NHSL1: variants seen among roughly 807,000 people sequenced by gnomAD.
NHSL1 encodes NHS like 1, also known as NHS-like protein 1.
Under a neutral mutation model 95.0 loss-of-function variants are expected in NHSL1, and 48 were observed. The observed-to-expected ratio is 0.51, with a 90% CI of 0.40 to 0.64. NHSL1 has a LOEUF of 0.64. Ranked by LOEUF, NHSL1 falls within the 30% of genes least tolerant of loss-of-function variation. The pLI is 0.00. For synonymous variants in NHSL1, 783 were observed against 833.9 expected, an observed-to-expected ratio of 0.94 and a Z score of 1.05; for missense variants, 1,971 against 2,077.7, an observed-to-expected ratio of 0.95 and a Z score of 1.00.
chr6:138,488,226 C>T (rs185548835), intron 2 of NHSL1, among the ~76,000 whole-genome samples: 99 of 151,456 alleles, frequency 6.5e-4, no homozygotes, highest in Non-Finnish European at 1.1e-3. Context: ...TGCAGTGAGC[C>T]GAGATCACAC....
intron 1 of NHSL1, among the ~76,000 whole-genome samples, chr6:138,525,121 T>A (rs762586620): frequency 1.4e-4 from 22 of 152,100 alleles, no homozygotes; most frequent in Non-Finnish European, 2.9e-4. Context: ...TCTCTGGGCG[T>A]TGGATTTTTT....
chr6:138,670,137 A>G (rs1488795762), intron 1 of NHSL1, among the ~76,000 whole-genome samples: 1 of 151,722 alleles, frequency 6.6e-6, no homozygotes, highest in Non-Finnish European at 1.5e-5. Context: ...TAAAATAAAA[A>G]TAAAATCAAT....
chr6:138,609,357 G>A (rs1784477049), intron 1 of NHSL1, among the ~76,000 whole-genome samples: 1 of 152,116 alleles, frequency 6.6e-6, no homozygotes. Context: ...TGCACCGCTG[G>A]GGCTCACGCA....
At position 138,431,550 on chromosome 6, in the gene NHSL1, G is replaced by A. The variant is rs753946250; in HGVS notation, c.2795C>T (p.Pro932Leu). 5.2e-6 allele frequency: 8 copies of A among 1,551,068 alleles called. No homozygotes were observed. The highest frequency in any genetic ancestry group is 6.1e-6 in the Non-Finnish European group (7 of 1,146,690). ...PAVGSPPAPP[P>L]PPVPSPPFPC... Reference sequence around the variant, plus strand: ...GAATGGAGGAGAGGGAACAGGAGGAGGAGGAGGAGCCGGGGGAGAGCCCAC... The same window carrying A: ...GAATGGAGGAGAGGGAACAGGAGGAAGAGGAGGAGCCGGGGGAGAGCCCAC... Residue 932 changes from proline (P) to leucine (L), a missense_variant, in exon 6 of 8, where the codon CCT becomes CTT. Transcript: ENST00000343505. This position sits in a 1 kb window ranked among gnomAD's most constrained non-coding sequence, Gnocchi z 4.0.
chr6:138,543,677 G>GC (rs1782671674), intron 1 of NHSL1, among the ~76,000 whole-genome samples: 2 of 152,164 alleles, frequency 1.3e-5, no homozygotes, highest in Non-Finnish European at 2.9e-5. Context: ...CTTTTCCAAA[G>GC]TAAGAACACA....
intron 1 of NHSL1, among the ~76,000 whole-genome samples, chr6:138,507,365 C>A (rs1356091592): frequency 1.3e-5 from 2 of 152,144 alleles, no homozygotes; most frequent in Non-Finnish European, 2.9e-5. Flanking sequence ...CTGATCTGGC[C>A]TCTCCAATAA....
intron 3 of NHSL1, among the ~76,000 whole-genome samples, chr6:138,458,740 C>T (rs1470999483): frequency 6.6e-6 from 1 of 150,874 alleles, no homozygotes; most frequent in Non-Finnish European, 1.5e-5. Context: ...CCAGGAGAAT[C>T]GCTTGAACCT....
chr6:138,490,914 G>A (rs762964347), intron 2 of NHSL1, among the ~76,000 whole-genome samples: 5 of 152,226 alleles, frequency 3.3e-5, no homozygotes, highest in Non-Finnish European at 7.3e-5. Context: ...TTATAGGCGT[G>A]AGCCACCGCG....
At position 138,486,459 on chromosome 6, in the gene NHSL1, C is replaced by A. The variant is rs554846301; in HGVS notation, c.211+9760G>T. On this transcript the variant is annotated intron_variant, in intron 2 of 7. Transcript: ENST00000343505. ...ATTCAATAGCCTTTTCTTACAATGA[C>A]TCTCTCCCCACCTGTGAGCGCCATG... is the stretch of plus-strand genomic sequence containing the variant. 3.0e-4 allele frequency among the ~76,000 whole-genome samples: 45 copies of A among 152,234 alleles called. No homozygotes were observed. The South Asian group carries it at 8.7e-3, about 29-fold the overall frequency.
chr6:138,476,416 G>A (rs928419365), intron 2 of NHSL1, among the ~76,000 whole-genome samples: 6 of 152,220 alleles, frequency 3.9e-5, no homozygotes, highest in African/African-American at 1.4e-4. Flanking sequence ...AATAGTGCAT[G>A]TTCTCACCTT....
rs1300652242 is a variant in NHSL1 at position 138,431,670 on chromosome 6, A to G, written c.2675T>C (p.Leu892Pro). ...KPKVPERKSS[L>P]ISSVSISSSS... ...TGAGGAAATGGATACTGAAGATATC[A>G]GAGAGGACTTCCTTTCTGGTACCTT... Residue 892 changes from leucine (L) to proline (P), a missense_variant, in exon 6 of 8, where the codon CTG (leucine) becomes CCG (proline). Physicochemically the swap from Leu to Pro is moderately conservative, Grantham distance 98. Around this residue, in one of 3 missense-constraint regions of NHSL1, gnomAD observed 1,602 missense variants for 1,654.5 expected, o/e 0.97. Coordinates refer to ENST00000343505, the MANE Select transcript of NHSL1 (RefSeq NM_001144060.2). The surrounding 1 kb of genome is among the most constrained non-coding windows in gnomAD (Gnocchi z 4.0). 1.3e-6 allele frequency: 2 copies of G among 1,551,684 alleles called. No homozygotes were observed. The highest frequency in any genetic ancestry group is 2.0e-5 in the Admixed American group (1 of 51,010).
At chr6:138,465,242 T>C (rs1562297647) in intron 3 of NHSL1, among the ~76,000 whole-genome samples, 1 of 151,898 alleles carries the variant, frequency 6.6e-6, no homozygotes. Context: ...TCCTGCAAGC[T>C]CACAGGGAAC....
At chr6:138,493,603 C>G (rs908380011) in intron 2 of NHSL1, among the ~76,000 whole-genome samples, 5 of 152,224 alleles carry the variant, frequency 3.3e-5, no homozygotes, top group African/African-American at 1.2e-4. Flanking sequence ...ACAAGCCAGA[C>G]CATGTAGTGC....
intron 1 of NHSL1, among the ~76,000 whole-genome samples, chr6:138,668,620 T>C (rs1447998085): frequency 6.7e-6 from 1 of 149,562 alleles, no homozygotes; most frequent in East Asian, 1.9e-4. Flanking sequence ...CAAGAAATTT[T>C]TTTTTCTTTT....
chr6:138,661,207 G>A (rs1347900454), intron 1 of NHSL1, among the ~76,000 whole-genome samples: 1 of 152,238 alleles, frequency 6.6e-6, no homozygotes, highest in African/African-American at 2.4e-5. Context: ...CAGGCTGTAT[G>A]TTAGATCCCC....
At chr6:138,461,004 G>A (rs144287751) in intron 3 of NHSL1, among the ~76,000 whole-genome samples, 242 of 152,026 alleles carry the variant, frequency 1.6e-3, no homozygotes, top group Admixed American at 7.6e-3. Context: ...GGTTTCAAAG[G>A]TGTTTCAAAA....
chr6:138,479,228 T>G (rs956293609), intron 2 of NHSL1, among the ~76,000 whole-genome samples: 8 of 152,194 alleles, frequency 5.3e-5, no homozygotes, highest in Admixed American at 1.3e-4. Flanking sequence ...ATTTCTCAGA[T>G]GGAAGATTCA....
intron 1 of NHSL1, among the ~76,000 whole-genome samples, chr6:138,556,778 G>A (rs1015303072): frequency 1.3e-5 from 2 of 152,030 alleles, no homozygotes; most frequent in Non-Finnish European, 2.9e-5. Flanking sequence ...AAAATGTTTA[G>A]TAGAGTAGAA....
At chr6:138,586,052 T>G (rs1215453773) in intron 1 of NHSL1, among the ~76,000 whole-genome samples, 1 of 150,624 alleles carries the variant, frequency 6.6e-6, no homozygotes. Flanking sequence ...ACCCCAACTC[T>G]AAAAACAAAA....
Sources: allele counts gnomAD v4.1 joint callset (sites outside exome capture counted in the v4.1 genomes callset), GRCh38; gene constraint gnomAD v4.1.1; regional missense constraint gnomAD v4.1.1; non-coding constraint Gnocchi (gnomAD v3.1); transcripts MANE v1.5; gene names NCBI Gene and HGNC (gene_info 2026-07-23, HGNC 2026-07-21).